Variants in NTM observed in about 807,000 individuals in gnomAD.
The protein encoded by NTM is IgLON family member 2.
A neutral mutation model predicts 42.1 loss-of-function variants in NTM; 13 were observed. The ratio of observed to expected loss-of-function variants is 0.31; its 90% CI spans 0.20 to 0.49. NTM has a LOEUF of 0.49. Among genes scored for constraint, NTM ranks in the 20% least tolerant of loss-of-function variants. The pLI is 0.99. For missense variants in NTM, 373 were observed against 452.8 expected (o/e 0.82, Z 1.60); for synonymous variants, 187 against 179.2 (o/e 1.04, Z -0.35).
At chr11:131,409,483 C>T (rs1010532529) in intron 1 of NTM, among the ~76,000 whole-genome samples, 15 of 152,148 alleles carry the variant, frequency 9.9e-5, no homozygotes, top group Admixed American at 2.6e-4. Context: ...TCTCTGCCCC[C>T]GGGCAAGGAC....
At chr11:131,953,499 A>C (rs2061242398) in intron 2 of NTM, among the ~76,000 whole-genome samples, 1 of 152,226 alleles carries the variant, frequency 6.6e-6, no homozygotes, top group African/African-American at 2.4e-5. Context: ...AGTGAAATGT[A>C]GCATTAAAAT....
chr11:131,627,685 C>T (rs2063258948), intron 1 of NTM, among the ~76,000 whole-genome samples: 1 of 151,984 alleles, frequency 6.6e-6, no homozygotes, highest in Admixed American at 6.6e-5. Flanking sequence ...AAAAAATTAA[C>T]ACAGGCATGC....
chr11:131,382,287 A>T (rs1318286872), intron 1 of NTM, among the ~76,000 whole-genome samples: 1 of 152,138 alleles, frequency 6.6e-6, no homozygotes, highest in Non-Finnish European at 1.5e-5. Context: ...TCCCACTTAC[A>T]AACAGGAGGA....
chr11:132,272,302 T>C (rs2093520234), intron 4 of NTM, among the ~76,000 whole-genome samples: 1 of 152,158 alleles, frequency 6.6e-6, no homozygotes, highest in Non-Finnish European at 1.5e-5. Context: ...ATTTGGAATC[T>C]GGAAATGTGG....
chr11:131,895,765 G>A (rs2052170031), intron 1 of NTM, among the ~76,000 whole-genome samples: 1 of 152,092 alleles, frequency 6.6e-6, no homozygotes, highest in Non-Finnish European at 1.5e-5. Flanking sequence ...GGCATGGGAA[G>A]CATTGGTTAA....
chr11:131,789,569 A>G (rs1218477472), intron 1 of NTM, among the ~76,000 whole-genome samples: 13 of 43,834 alleles, frequency 3.0e-4, no homozygotes, highest in East Asian at 1.2e-3. Context: ...GAAGAAGAAG[A>G]AGAAGAAGAA....
intron 2 of NTM, among the ~76,000 whole-genome samples, chr11:132,064,352 CAT>C (rs893794387): frequency 5.9e-5 from 9 of 152,214 alleles, no homozygotes; most frequent in African/African-American, 9.6e-5. Flanking sequence ...AGCAAAGTTA[CAT>C]ATATATATGT....
At chr11:131,756,738 AAG>A (rs1353899338) in intron 1 of NTM, among the ~76,000 whole-genome samples, 5 of 152,130 alleles carry the variant, frequency 3.3e-5, no homozygotes, top group Non-Finnish European at 1.5e-5. Flanking sequence ...TCTCAGGAAA[AAG>A]AGGAAATTAT....
chr11:131,820,125 G>A (rs1169584036), intron 1 of NTM, among the ~76,000 whole-genome samples: 2 of 152,186 alleles, frequency 1.3e-5, no homozygotes, highest in African/African-American at 4.8e-5. Context: ...AACATAAGCG[G>A]CTGCTTGGGC....
intron 4 of NTM, among the ~76,000 whole-genome samples, chr11:132,301,801 G>A (rs1218889009): frequency 3.3e-5 from 5 of 152,134 alleles, no homozygotes; most frequent in African/African-American, 4.8e-5. Flanking sequence ...GGGATTCTAT[G>A]TTCTGTATCT....
chr11:131,542,154 C>T (rs1182701297), intron 1 of NTM, among the ~76,000 whole-genome samples: 1 of 152,124 alleles, frequency 6.6e-6, no homozygotes, highest in African/African-American at 2.4e-5. Context: ...GTGTTGTTTG[C>T]ATTAAAGGAA....
intron 1 of NTM, among the ~76,000 whole-genome samples, chr11:131,548,323 T>C (rs1400830660): frequency 6.6e-6 from 1 of 151,788 alleles, no homozygotes; most frequent in Non-Finnish European, 1.5e-5. Context: ...GAAAAAAACA[T>C]CCCCCAGGCA....
intron 2 of NTM, among the ~76,000 whole-genome samples, chr11:131,946,733 A>G (rs1245129252): frequency 6.6e-6 from 1 of 152,242 alleles, no homozygotes; most frequent in African/African-American, 2.4e-5. Flanking sequence ...TAGTATATCA[A>G]CAATATGCTC....
chr11:131,708,467 A>G (rs974771295), intron 1 of NTM, among the ~76,000 whole-genome samples: 3 of 152,168 alleles, frequency 2.0e-5, no homozygotes, highest in Admixed American at 6.5e-5. Context: ...ACAAAAAGCA[A>G]TTTGGCTGCA....
At chr11:132,122,577 A>T (rs1461489177) in intron 2 of NTM, among the ~76,000 whole-genome samples, 1 of 152,172 alleles carries the variant, frequency 6.6e-6, no homozygotes, top group Non-Finnish European at 1.5e-5. Context: ...ATGAGCTGAC[A>T]CTTGTCTGAT....
rs1032465870 is a variant in NTM, at chr11:132,002,280, C to T, written c.167+90632C>T. On this transcript the variant is annotated intron_variant, in intron 2 of 8. Transcript: ENST00000683400. This position sits in a 1 kb window ranked among gnomAD's most constrained non-coding sequence, Gnocchi z 4.5. ...AGCTATTTGTGGCAGCTTTACTGTA[C>T]AAAAGCGATGAAATTTAATAATTAT... is the stretch of plus-strand genomic sequence containing the variant. 1.3e-5 allele frequency among the ~76,000 whole-genome samples: 2 copies of T among 152,098 alleles called. No homozygotes were observed. The highest frequency in any genetic ancestry group is 2.4e-5 in the African/African-American group (1 of 41,402).
intron 1 of NTM, among the ~76,000 whole-genome samples, chr11:131,887,366 C>T (rs1275719297): frequency 6.6e-6 from 1 of 152,188 alleles, no homozygotes. Context: ...TTCAGTGAAT[C>T]CTGATTTCTA....
chr11:132,169,319 A>ATTTTT (rs1491121130), intron 3 of NTM, among the ~76,000 whole-genome samples: 3 of 10,292 alleles, frequency 2.9e-4, no homozygotes, highest in Non-Finnish European at 5.5e-4. Flanking sequence ...TAATTTTTTT[A>ATTTTT]CTTTTTTTTT....
At chr11:131,931,533 CTGATT>C (rs954335373) in intron 2 of NTM, among the ~76,000 whole-genome samples, 1 of 151,164 alleles carries the variant, frequency 6.6e-6, no homozygotes, top group Non-Finnish European at 1.5e-5. Context: ...TGACCACACA[CTGATT>C]TGTTTAGGCC....
Sources: gnomAD v4.1 joint callset for allele counts (sites outside exome capture counted in the v4.1 genomes callset) on GRCh38, gnomAD v4.1.1 for gene constraint, Gnocchi (gnomAD v3.1) non-coding constraint, MANE v1.5 for transcripts, NCBI Gene and HGNC (gene_info 2026-07-23, HGNC 2026-07-21) for gene names.